Variants in PHLPP1 observed in about 807,000 individuals in gnomAD.
The protein encoded by PHLPP1 is PH domain and leucine rich repeat protein phosphatase 1.
Under a neutral mutation model 117.2 loss-of-function variants are expected in PHLPP1, and 42 were observed. The ratio of observed to expected loss-of-function variants is 0.36; its 90% CI spans 0.28 to 0.46. The LOEUF (loss-of-function observed/expected upper bound fraction) is 0.46, where lower values mean the gene tolerates loss of function less well. Among genes scored for constraint, PHLPP1 ranks in the 20% least tolerant of loss-of-function variants. The pLI is 1.00. For synonymous variants in PHLPP1, 1,042 were observed against 970.7 expected (o/e 1.07, Z -1.37); for missense variants, 2,084 against 2,241.9 (o/e 0.93, Z 1.42).
At chr18:62,945,309 CG>C (rs1910249064) in intron 12 of PHLPP1, 38 bp downstream of exon 12, 1 of 1,521,558 alleles carries the variant, frequency 6.6e-7, no homozygotes, top group Non-Finnish European at 8.8e-7. Flanking sequence ...AGCTTCAGGT[CG>C]GCAAAGAAAG....
At position 62,871,389 on chromosome 18, in the gene PHLPP1, G is replaced by A. The variant is rs528100963; in HGVS notation, c.2066+10788G>A. Among the ~76,000 whole-genome samples the A allele has an allele frequency of 1.6e-4, 24 of 152,078 alleles. No individual in the cohort carries two copies. In the South Asian group the frequency reaches 2.9e-3, roughly 18 times the overall value. ...GTCACCCAGGCTGGAGTGCAGTGGT[G>A]CAATCTCGGCTCACTGCAACCTCTG... On this transcript the variant is annotated intron_variant, in intron 4 of 16. Coordinates refer to ENST00000262719, the MANE Select transcript of PHLPP1 (RefSeq NM_194449.4).
chr18:62,738,414 G>T (rs139633861), intron 1 of PHLPP1, among the ~76,000 whole-genome samples: 1 of 152,126 alleles, frequency 6.6e-6, no homozygotes, highest in Non-Finnish European at 1.5e-5. Flanking sequence ...ATAAAAAAAT[G>T]CAGTATAACA....
rs980707414 is a variant in PHLPP1, at chr18:62,800,630, G to A, written c.1577-29405G>A. On this transcript the variant is annotated intron_variant, in intron 1 of 16. Transcript: ENST00000262719. ...CTCGGGGGAGCATATGAAAAGAAGA[G>A]TCTCTGTTGTAAAAACCCTCTCAGT... is the stretch of plus-strand genomic sequence containing the variant. Among the ~76,000 whole-genome samples the A allele has an allele frequency of 4.6e-5, 7 of 151,734 alleles. No individual in the cohort carries two copies. The South Asian group carries it at 6.3e-4, about 14-fold the overall frequency.
At chr18:62,721,481 A>G (rs1385237188) in intron 1 of PHLPP1, among the ~76,000 whole-genome samples, 1 of 151,884 alleles carries the variant, frequency 6.6e-6, no homozygotes, top group East Asian at 1.9e-4. Flanking sequence ...CAGTTGCTTT[A>G]AAACATGGCT....
rs1491194735 is a variant in PHLPP1 at position 62,715,605 on chromosome 18, GTC to G, written c.-76_-75del. On this transcript the variant is annotated 5_prime_UTR_variant, in exon 1 of 17. Coordinates refer to ENST00000262719, the MANE Select transcript of PHLPP1 (RefSeq NM_194449.4). Reference sequence around the variant, plus strand: ...TCTCCCTTCTCCGCGCGCCGCCGCCGTCTCCCACCTCCGCCTCATCGCCTCCC... The same window carrying G: ...TCTCCCTTCTCCGCGCGCCGCCGCCGTCCCACCTCCGCCTCATCGCCTCCC... 8 of 989,008 alleles carry G rather than the reference GTC, an allele frequency of 8.1e-6. No homozygotes were observed. The highest frequency in any genetic ancestry group is 3.9e-6 in the Non-Finnish European group (3 of 761,404). The allele number at this position is 989,008 out of a possible 1,614,324, so 61.3% of individuals were successfully genotyped here.
intron 1 of PHLPP1, among the ~76,000 whole-genome samples, chr18:62,776,311 G>C (rs1190882106): frequency 1.3e-5 from 2 of 152,198 alleles, no homozygotes; most frequent in African/African-American, 4.8e-5. Context: ...TTCTATGTTA[G>C]TGTATTGAGT....
chr18:62,722,615 G>A (rs1910956141), intron 1 of PHLPP1, among the ~76,000 whole-genome samples: 1 of 151,906 alleles, frequency 6.6e-6, no homozygotes, highest in African/African-American at 2.4e-5. Flanking sequence ...GTGATTCTAC[G>A]GCAAACCCTT....
chr18:62,870,384 A>G (rs1356800351), intron 4 of PHLPP1, among the ~76,000 whole-genome samples: 1 of 152,206 alleles, frequency 6.6e-6, no homozygotes, highest in Admixed American at 6.5e-5. Context: ...TAAGAAAGTC[A>G]TGTTAGTACT....
chr18:62,831,617 A>T (rs567149747), intron 2 of PHLPP1, among the ~76,000 whole-genome samples: 13 of 152,286 alleles, frequency 8.5e-5, no homozygotes, highest in Admixed American at 3.9e-4. Flanking sequence ...GATTACAGGC[A>T]TGAGCCACTG....
chr18:62,802,778 A>G (rs1450423318), intron 1 of PHLPP1, among the ~76,000 whole-genome samples: 1 of 152,056 alleles, frequency 6.6e-6, no homozygotes, highest in East Asian at 1.9e-4. Flanking sequence ...GCAAATGACA[A>G]CTTGTGAAGT....
At chr18:62,897,250 G>C (rs1285157011) in intron 6 of PHLPP1, among the ~76,000 whole-genome samples, 1 of 152,122 alleles carries the variant, frequency 6.6e-6, no homozygotes, top group East Asian at 1.9e-4. Flanking sequence ...TTACACATAA[G>C]ATCAATCTGA....
intron 7 of PHLPP1, among the ~76,000 whole-genome samples, chr18:62,903,863 C>T (rs1916785626): frequency 6.6e-6 from 1 of 151,906 alleles, no homozygotes; most frequent in South Asian, 2.1e-4. Flanking sequence ...GAGTCTTAAT[C>T]ATTTAATAAT....
intron 4 of PHLPP1, among the ~76,000 whole-genome samples, chr18:62,886,489 G>C (rs1159929688): frequency 6.6e-6 from 1 of 152,014 alleles, no homozygotes; most frequent in Admixed American, 6.6e-5. Flanking sequence ...TGCCCACTCT[G>C]GTCTTGAGCT....
chr18:62,888,188 A>G (rs114110280), intron 4 of PHLPP1, among the ~76,000 whole-genome samples: 1 of 152,108 alleles, frequency 6.6e-6, no homozygotes, highest in Non-Finnish European at 1.5e-5. Context: ...CCACTTATCT[A>G]TGTTGAACAG....
intron 1 of PHLPP1, among the ~76,000 whole-genome samples, chr18:62,812,986 G>C (rs1213534714): frequency 6.6e-6 from 1 of 152,150 alleles, no homozygotes; most frequent in African/African-American, 2.4e-5. Context: ...AAATAAGAAA[G>C]AAAACTTGAG....
At chr18:62,851,069 A>G (rs1410900728) in intron 3 of PHLPP1, among the ~76,000 whole-genome samples, 6 of 152,178 alleles carry the variant, frequency 3.9e-5, no homozygotes, top group Non-Finnish European at 8.8e-5. Flanking sequence ...GCATCTCTCC[A>G]GTACCTGGTA....
intron 1 of PHLPP1, among the ~76,000 whole-genome samples, chr18:62,798,990 A>G (rs1218868630): frequency 6.6e-6 from 1 of 152,196 alleles, no homozygotes; most frequent in African/African-American, 2.4e-5. Flanking sequence ...CTCCCTTCCA[A>G]AGCTACAATG....
intron 3 of PHLPP1, among the ~76,000 whole-genome samples, chr18:62,849,830 A>ATATATATATATATATATAT (rs1465429883): frequency 3.3e-4 from 7 of 21,210 alleles, no homozygotes; most frequent in African/African-American, 9.2e-4. Context: ...AAAAAAAAAA[A>ATATATATATATATATATAT]AAATATATAT....
At chr18:62,975,334 G>A (rs1445095615) in intron 15 of PHLPP1, 63 bp from the exon 16 acceptor site, 1 of 1,143,358 alleles carries the variant, frequency 8.7e-7, no homozygotes, top group Admixed American at 1.7e-5. Context: ...TCTTGCTGTT[G>A]AATTTGCAGA....
Sources: gnomAD v4.1 joint callset for allele counts (sites outside exome capture counted in the v4.1 genomes callset) on GRCh38, gnomAD v4.1.1 for gene constraint, MANE v1.5 for transcripts, NCBI Gene and HGNC (gene_info 2026-07-23, HGNC 2026-07-21) for gene names.